The following CRTAC1 variants were observed in gnomAD, a reference collection of about 807,000 sequenced individuals.
CRTAC1 encodes cartilage acidic protein 1.
Under a neutral mutation model 67.8 loss-of-function variants are expected in CRTAC1, and 37 were observed. The ratio of observed to expected loss-of-function variants is 0.55; its 90% CI spans 0.42 to 0.72. CRTAC1 has a LOEUF of 0.72. Among genes scored for constraint, CRTAC1 ranks in the 30% least tolerant of loss-of-function variants. The probability of loss-of-function intolerance (pLI) is 0.00; values close to 1 mark genes in which losing one functional copy is unlikely to be tolerated. For missense variants in CRTAC1, 780 were observed against 931.6 expected (o/e 0.84, Z 2.12); for synonymous variants, 348 against 371.0 (o/e 0.94, Z 0.71).
At chr10:97,976,864 G>C (rs895690898) in intron 2 of CRTAC1, among the ~76,000 whole-genome samples, 2 of 152,214 alleles carry the variant, frequency 1.3e-5, no homozygotes, top group African/African-American at 4.8e-5. Flanking sequence ...CTCCTTGAGT[G>C]ATTGGCAAAG....
intron 3 of CRTAC1, among the ~76,000 whole-genome samples, chr10:97,933,349 T>G (rs1217337769): frequency 6.6e-6 from 1 of 152,264 alleles, no homozygotes; most frequent in Non-Finnish European, 1.5e-5. Context: ...CAGTGCACAC[T>G]TATGCCCTCG....
At chr10:98,011,502 C>A (rs563803409) in intron 1 of CRTAC1, among the ~76,000 whole-genome samples, 165 bp from the exon 2 acceptor site, 5 of 146,518 alleles carry the variant, frequency 3.4e-5, no homozygotes, top group African/African-American at 1.2e-4. Context: ...CCCTCCCTTG[C>A]CCTCCCCACC....
chr10:97,955,955 G>C (rs1316281812), intron 2 of CRTAC1, among the ~76,000 whole-genome samples: 1 of 152,166 alleles, frequency 6.6e-6, no homozygotes, highest in Non-Finnish European at 1.5e-5. Flanking sequence ...TTTATTTATT[G>C]ACATTTGTGG....
intron 2 of CRTAC1, among the ~76,000 whole-genome samples, chr10:97,993,046 C>A (rs1398434740): frequency 1.3e-5 from 2 of 152,138 alleles, no homozygotes; most frequent in African/African-American, 4.8e-5. Flanking sequence ...ATATATACAA[C>A]TTTTATTTGC....
At position 98,018,197 on chromosome 10, in the gene CRTAC1, C is replaced by T. The variant is rs546788194; in HGVS notation, c.25-6860G>A. Among the ~76,000 whole-genome samples the T allele has an allele frequency of 4.7e-4, 29 of 61,518 alleles. No individual in the cohort carries two copies. The South Asian group carries it at 0.012, about 26-fold the overall frequency. The allele number at this position is 61,518 out of a possible 152,430, so 40.4% of individuals were successfully genotyped here. Reference sequence around the variant, plus strand: ...AGTCTGGGTGACAGAGCAAGATGCCCGCAAAAAAAAAAAAAAAAAAAAAAA... The same window carrying T: ...AGTCTGGGTGACAGAGCAAGATGCCTGCAAAAAAAAAAAAAAAAAAAAAAA... On this transcript the variant is annotated intron_variant, in intron 1 of 14. Coordinates refer to ENST00000370597, the MANE Select transcript of CRTAC1 (RefSeq NM_018058.7).
intron 9 of CRTAC1, 75 bp downstream of exon 9, chr10:97,896,834 C>CTAA: frequency 3.2e-6 from 1 of 309,984 alleles, no homozygotes; most frequent in Non-Finnish European, 6.9e-6. Flanking sequence ...GCTGCCCCGT[C>CTAA]CCTCCCGCCC....
intron 1 of CRTAC1, among the ~76,000 whole-genome samples, chr10:98,016,314 T>C (rs60193470): frequency 0.012 from 1,898 of 152,276 alleles, 47 homozygotes; most frequent in African/African-American, 0.044. Flanking sequence ...GGCGCTCTGT[T>C]AATATGTGTT....
At chr10:97,921,750 G>A (rs2050841796) in intron 4 of CRTAC1, among the ~76,000 whole-genome samples, 1 of 152,114 alleles carries the variant, frequency 6.6e-6, no homozygotes, top group African/African-American at 2.4e-5. Flanking sequence ...CAAGGTGGTG[G>A]CTGGACTCAG....
At chr10:97,966,993 A>AC (rs55769291) in intron 2 of CRTAC1, among the ~76,000 whole-genome samples, 58 of 129,622 alleles carry the variant, frequency 4.5e-4, no homozygotes, top group African/African-American at 1.2e-3. Flanking sequence ...TTGTAAAGTC[A>AC]CCCCCCCCCC....
chr10:98,022,038 G>A (rs1258773969), intron 1 of CRTAC1, among the ~76,000 whole-genome samples: 1 of 152,204 alleles, frequency 6.6e-6, no homozygotes, highest in Admixed American at 6.5e-5. Flanking sequence ...ACACAATTCA[G>A]TGGGATAACC....
chr10:98,015,536 A>C (rs376449447), intron 1 of CRTAC1, among the ~76,000 whole-genome samples: 1 of 152,248 alleles, frequency 6.6e-6, no homozygotes, highest in African/African-American at 2.4e-5. Flanking sequence ...CAATAAAAAA[A>C]TACTAATGCC....
rs537291869 is a variant in CRTAC1 at position 97,922,428 on chromosome 10, C to A, written c.558+836G>T. On this transcript the variant is annotated intron_variant, in intron 4 of 14. Transcript: ENST00000370597. ...GAGCCAAACCTCTTGCCCCTGCCCC[C>A]AGAATGGGGGCCATAGACACTCCTG... Among the ~76,000 whole-genome samples the A allele has an allele frequency of 1.8e-4, 28 of 152,360 alleles. No homozygotes were observed. In the East Asian group the frequency reaches 5.4e-3, roughly 29 times the overall value.
At chr10:97,947,096 A>G (rs2051277283) in intron 2 of CRTAC1, among the ~76,000 whole-genome samples, 1 of 152,254 alleles carries the variant, frequency 6.6e-6, no homozygotes, top group Admixed American at 6.5e-5. Context: ...TTGAGGAGGT[A>G]GGCCAATTTA....
rs143421551 is a variant in CRTAC1, at chr10:97,922,828, G to A, written c.558+436C>T. ...CCTCCATTGTGCCTTCATTTATTCC[G>A]TAAATATTTATGAAGGGCCCCACGG... is the stretch of plus-strand genomic sequence containing the variant. On this transcript the variant is annotated intron_variant, in intron 4 of 14. Transcript: ENST00000370597. Among the ~76,000 whole-genome samples the A allele has an allele frequency of 2.1e-3, 318 of 152,320 alleles. 3 individuals carry two copies. Among genetic ancestry groups the A allele is most frequent in the African/African-American group, 7.3e-3 (304 of 41,572 alleles).
In CRTAC1 at chr10:97,936,153, T is replaced by C; in HGVS notation, c.421+17A>G. On this transcript the variant is annotated intron_variant, in intron 3 of 14. Transcript: ENST00000370597. ...AGAAGATGGGAAGCAGGAAGAGGCCTGAGCCCCAGCCCTTACCCGAGAAGG... is the reference window on the plus strand; with the variant it reads ...AGAAGATGGGAAGCAGGAAGAGGCCCGAGCCCCAGCCCTTACCCGAGAAGG... 6.3e-7 allele frequency: 1 copy of C among 1,579,036 alleles called. No individual in the cohort carries two copies. Among genetic ancestry groups the C allele is most frequent in the Non-Finnish European group, 8.6e-7 (1 of 1,156,632 alleles).
chr10:97,929,872 A>T (rs149016586), intron 3 of CRTAC1, among the ~76,000 whole-genome samples: 1 of 152,232 alleles, frequency 6.6e-6, no homozygotes, highest in Non-Finnish European at 1.5e-5. Flanking sequence ...AGGCTTTATA[A>T]GACTTCGTCA....
intron 3 of CRTAC1, among the ~76,000 whole-genome samples, chr10:97,933,802 T>C (rs1352754129): frequency 6.6e-6 from 1 of 152,202 alleles, no homozygotes; most frequent in Non-Finnish European, 1.5e-5. Flanking sequence ...GAAACTAGCA[T>C]GATTCTGAGA....
chr10:97,903,869 T>G (rs1361949527), intron 7 of CRTAC1, among the ~76,000 whole-genome samples: 2 of 152,162 alleles, frequency 1.3e-5, no homozygotes, highest in Non-Finnish European at 2.9e-5. Flanking sequence ...GAGAGGGCTC[T>G]GAGGCCACCT....
chr10:97,889,460 G>GGGT (rs2050335047), intron 11 of CRTAC1, among the ~76,000 whole-genome samples: 1 of 149,892 alleles, frequency 6.7e-6, no homozygotes, highest in Non-Finnish European at 1.5e-5. Flanking sequence ...TGGTGGGGGG[G>GGGT]GGTCCACTGA....
Sources: gnomAD v4.1 joint callset for allele counts (sites outside exome capture counted in the v4.1 genomes callset) on GRCh38, gnomAD v4.1.1 for gene constraint, MANE v1.5 for transcripts, NCBI Gene and HGNC (gene_info 2026-07-23, HGNC 2026-07-21) for gene names.